The following SPAG17 variants were observed in gnomAD, a reference collection of about 807,000 sequenced individuals.
The protein encoded by SPAG17 is sperm-associated antigen 17.
In SPAG17, 169 loss-of-function variants were observed where a neutral mutation model predicts 273.6. That is an observed-to-expected ratio of 0.62 (90% CI 0.55 to 0.70). The LOEUF (loss-of-function observed/expected upper bound fraction) is 0.70, where lower values mean the gene tolerates loss of function less well. SPAG17 is among the 30% of genes least tolerant of loss of function. SPAG17 has a pLI of 0.00. For synonymous variants in SPAG17, 825 were observed against 873.2 expected, an observed-to-expected ratio of 0.94 and a Z score of 0.97; for missense variants, 2,557 against 2,627.8, an observed-to-expected ratio of 0.97 and a Z score of 0.59.
chr1:118,051,783 A>G (rs1037118499), intron 20 of SPAG17, among the ~76,000 whole-genome samples: 4 of 143,764 alleles, frequency 2.8e-5, no homozygotes, highest in Non-Finnish European at 6.0e-5. Context: ...TAATACTATT[A>G]TAATATATAA....
Position 118,023,404 on chromosome 1 carries a change from A to T in SPAG17, c.3969T>A (p.Pro1323=), listed in dbSNP as rs188415695. 2.5e-6 allele frequency: 4 copies of T among 1,612,444 alleles called. No individual in the cohort carries two copies. In the African/African-American group the frequency reaches 5.3e-5, roughly 22 times the overall value. ...TGTGAGGCGTTGCTGGCATTTCAGA[A>T]GGAGGACAAATAAGACCTGAATTGG... ...RSPNSGLICP[P]SEMPATPHSG... The change falls in exon 28 of 49, where the codon CCT becomes CCA. Residue 1323 remains proline (P), a synonymous_variant. Coordinates refer to ENST00000336338, the MANE Select transcript of SPAG17 (RefSeq NM_206996.4).
At chr1:118,145,960 T>C (rs1000932165) in intron 3 of SPAG17, among the ~76,000 whole-genome samples, 3 of 150,758 alleles carry the variant, frequency 2.0e-5, no homozygotes, top group Non-Finnish European at 4.4e-5. Context: ...CACAGGCACA[T>C]AAATCACGGC....
chr1:118,104,153 A>T (rs1656248398), intron 4 of SPAG17, among the ~76,000 whole-genome samples: 1 of 152,226 alleles, frequency 6.6e-6, no homozygotes, highest in South Asian at 2.1e-4. Flanking sequence ...GTCCAGAGAA[A>T]ACCCAATAGT....
At chr1:118,045,859 G>A (rs1159555948) in intron 20 of SPAG17, among the ~76,000 whole-genome samples, 1 of 152,178 alleles carries the variant, frequency 6.6e-6, no homozygotes, top group Non-Finnish European at 1.5e-5. Context: ...TGCAGATTCA[G>A]TCGGTGTGGG....
In SPAG17 at chr1:118,175,490, A is replaced by G. The variant is rs950873942; in HGVS notation, c.87+9581T>C. 6.3e-4 allele frequency among the ~76,000 whole-genome samples: 96 copies of G among 152,000 alleles called. 1 individual carries two copies. The highest frequency in any genetic ancestry group is 1.9e-4 in the East Asian group (1 of 5,180). On this transcript the variant is annotated intron_variant, in intron 1 of 48. Transcript: ENST00000336338. The stretch of plus-strand genomic sequence containing the variant: ...AAGAAAAAAAAGAAGCAAATAACAT[A>G]TAAGAGTTCTAATTCATCTGGTAAC...
At chr1:118,135,779 A>T (rs1015815410) in intron 3 of SPAG17, among the ~76,000 whole-genome samples, 1 of 152,156 alleles carries the variant, frequency 6.6e-6, no homozygotes, top group African/African-American at 2.4e-5. Context: ...TTTTAAGACA[A>T]TGGGAAACAC....
chr1:118,043,570 T>C (rs574187947), intron 20 of SPAG17, among the ~76,000 whole-genome samples: 1 of 152,316 alleles, frequency 6.6e-6, no homozygotes, highest in African/African-American at 2.4e-5. Context: ...CGTGACAACA[T>C]TATATAATGG....
intron 1 of SPAG17, among the ~76,000 whole-genome samples, chr1:118,172,875 T>C (rs969461894): frequency 6.6e-6 from 1 of 152,152 alleles, no homozygotes; most frequent in African/African-American, 2.4e-5. Context: ...ATTTGCATTA[T>C]TCAGAGATAG....
chr1:118,140,728 C>T (rs987594257), intron 3 of SPAG17, among the ~76,000 whole-genome samples: 1 of 152,184 alleles, frequency 6.6e-6, no homozygotes, highest in African/African-American at 2.4e-5. Context: ...TCCATGTTTG[C>T]CTGCCTTCAT....
chr1:118,080,253 A>G (rs956262489), intron 15 of SPAG17, among the ~76,000 whole-genome samples: 5 of 152,178 alleles, frequency 3.3e-5, no homozygotes, highest in Non-Finnish European at 5.9e-5. Flanking sequence ...AGGCATTTCC[A>G]TATGGACACA....
At chr1:118,037,245 C>CACTT (rs931292162) in intron 23 of SPAG17, among the ~76,000 whole-genome samples, 12 of 152,304 alleles carry the variant, frequency 7.9e-5, no homozygotes, top group African/African-American at 2.9e-4. Context: ...TAAATTCCCA[C>CACTT]ACTTAAACTT....
intron 1 of SPAG17, among the ~76,000 whole-genome samples, chr1:118,180,605 T>C (rs1660896603): frequency 6.6e-6 from 1 of 152,072 alleles, no homozygotes; most frequent in African/African-American, 2.4e-5. Flanking sequence ...ATGTTTCTAG[T>C]ATAAAGAAAA....
intron 42 of SPAG17, among the ~76,000 whole-genome samples, chr1:117,981,664 A>G (rs1354408166): frequency 6.6e-6 from 1 of 152,230 alleles, no homozygotes; most frequent in Non-Finnish European, 1.5e-5. Context: ...CTTTATGGGC[A>G]TTATGACTAA....
At chr1:118,055,248 C>G (rs574587037) in intron 19 of SPAG17, among the ~76,000 whole-genome samples, 6 of 152,236 alleles carry the variant, frequency 3.9e-5, no homozygotes, top group East Asian at 3.9e-4. Context: ...CTCCAAAAAT[C>G]TCTTTCCCCA....
intron 24 of SPAG17, among the ~76,000 whole-genome samples, chr1:118,032,873 A>T (rs1435546013): frequency 2.6e-5 from 4 of 152,250 alleles, no homozygotes; most frequent in South Asian, 4.1e-4. Flanking sequence ...GATTACAGAC[A>T]TGAACCACCA....
intron 38 of SPAG17, among the ~76,000 whole-genome samples, chr1:117,989,119 G>C (rs960954157): frequency 6.6e-6 from 1 of 152,154 alleles, no homozygotes; most frequent in African/African-American, 2.4e-5. Context: ...GGTTAAATTT[G>C]AATTTCAAAT....
At chr1:118,063,285 TCAGCCAAAA>T (rs1652553907) in intron 18 of SPAG17, among the ~76,000 whole-genome samples, 1 of 152,198 alleles carries the variant, frequency 6.6e-6, no homozygotes, top group East Asian at 1.9e-4. Flanking sequence ...AAGTCAATCT[TCAGCCAAAA>T]GAACATAGCT....
chr1:117,996,052 G>A (rs573343686), intron 34 of SPAG17, among the ~76,000 whole-genome samples: 2 of 152,126 alleles, frequency 1.3e-5, no homozygotes, highest in Non-Finnish European at 2.9e-5. Context: ...TTACCAAGAT[G>A]AAATGAACTC....
intron 32 of SPAG17, among the ~76,000 whole-genome samples, chr1:118,001,639 T>C (rs569262832): frequency 6.6e-6 from 1 of 152,242 alleles, no homozygotes; most frequent in Admixed American, 6.5e-5. Context: ...TGATGGTAGT[T>C]TGTATTTCTG....
Sources: allele counts gnomAD v4.1 joint callset (sites outside exome capture counted in the v4.1 genomes callset), GRCh38; gene constraint gnomAD v4.1.1; transcripts MANE v1.5; gene names NCBI Gene and HGNC (gene_info 2026-07-23, HGNC 2026-07-21).